The following AGBL4 variants were observed in gnomAD, a reference collection of about 807,000 sequenced individuals.
AGBL4 encodes cytosolic carboxypeptidase 6.
Under a neutral mutation model 66.4 loss-of-function variants are expected in AGBL4, and 58 were observed. That is an observed-to-expected ratio of 0.87 (90% CI 0.71 to 1.09). AGBL4 has a LOEUF of 1.09. Ranked by LOEUF, AGBL4 falls within the 50% of genes least tolerant of loss-of-function variation. The pLI is 0.00. For missense variants in AGBL4, 579 were observed against 631.0 expected (o/e 0.92, Z 0.88); for synonymous variants, 234 against 222.9 (o/e 1.05, Z -0.44).
intron 2 of AGBL4, among the ~76,000 whole-genome samples, chr1:49,718,765 C>G (rs1648361825): frequency 6.6e-6 from 1 of 151,814 alleles, no homozygotes; most frequent in Non-Finnish European, 1.5e-5. Flanking sequence ...TCTGTATTTT[C>G]TTCTTTATTC....
intron 1 of AGBL4, among the ~76,000 whole-genome samples, chr1:49,976,799 T>C (rs1658593143): frequency 6.6e-6 from 1 of 152,246 alleles, no homozygotes; most frequent in South Asian, 2.1e-4. Flanking sequence ...AGGTCCACTA[T>C]TCTCCATCCC....
intron 2 of AGBL4, among the ~76,000 whole-genome samples, chr1:49,732,964 G>T (rs1332494814): frequency 6.6e-6 from 1 of 152,022 alleles, no homozygotes; most frequent in Admixed American, 6.6e-5. Context: ...GACACATCAT[G>T]AGCCCAACTG....
At chr1:48,788,483 T>C (rs1570675243) in intron 6 of AGBL4, among the ~76,000 whole-genome samples, 3 of 152,210 alleles carry the variant, frequency 2.0e-5, no homozygotes, top group Admixed American at 2.0e-4. Flanking sequence ...CTTTTATAAA[T>C]TGTAGGACTT....
At chr1:49,711,233 T>C (rs1174886295) in intron 2 of AGBL4, among the ~76,000 whole-genome samples, 2 of 152,098 alleles carry the variant, frequency 1.3e-5, no homozygotes, top group Admixed American at 6.6e-5. Flanking sequence ...ACCTAGCTGG[T>C]CATAGATATC....
intron 3 of AGBL4, among the ~76,000 whole-genome samples, chr1:49,608,127 G>T (rs752593657): frequency 8.6e-5 from 13 of 152,038 alleles, no homozygotes; most frequent in Non-Finnish European, 1.5e-4. Context: ...TATTGATGTA[G>T]GTTCTTAAAA....
chr1:48,915,548 G>A (rs958807601), intron 5 of AGBL4, among the ~76,000 whole-genome samples: 12 of 152,304 alleles, frequency 7.9e-5, no homozygotes, highest in African/African-American at 2.9e-4. Flanking sequence ...GTGGCATAAT[G>A]CTTGGCACTT....
At position 49,726,725 on chromosome 1, in the gene AGBL4, A is replaced by G. The variant is rs564271124; in HGVS notation, c.158-29288T>C. Among the ~76,000 whole-genome samples the G allele has an allele frequency of 4.6e-5, 7 of 152,282 alleles. No homozygotes were observed. In the South Asian group the frequency reaches 1.4e-3, roughly 32 times the overall value. ...AACTACAGGAACCAGCACAACTCTA[A>G]GGACCTTGGGGATGGCACAGATAAT... On this transcript the variant is annotated intron_variant, in intron 2 of 13. Coordinates refer to ENST00000371839, the MANE Select transcript of AGBL4 (RefSeq NM_032785.4).
chr1:49,104,075 C>T lies in AGBL4; in HGVS notation c.378-58275G>A, dbSNP rs192688510. On this transcript the variant is annotated intron_variant, in intron 4 of 13. Coordinates refer to ENST00000371839, the MANE Select transcript of AGBL4 (RefSeq NM_032785.4). ...TGCTATGCACTAGCACACCTCCAAACCATGGCTCATCCTGATCTCGCCAAC... is the reference window on the plus strand; with the variant it reads ...TGCTATGCACTAGCACACCTCCAAATCATGGCTCATCCTGATCTCGCCAAC... 1.2e-4 allele frequency among the ~76,000 whole-genome samples: 18 copies of T among 152,286 alleles called. No homozygotes were observed. The South Asian group carries it at 2.3e-3, about 19-fold the overall frequency.
At chr1:49,656,076 G>A (rs992491558) in intron 3 of AGBL4, among the ~76,000 whole-genome samples, 1 of 152,038 alleles carries the variant, frequency 6.6e-6, no homozygotes, top group African/African-American at 2.4e-5. Flanking sequence ...GAACCTGGGA[G>A]GCGGAGGTTG....
chr1:49,404,697 G>A (rs1006013526), intron 3 of AGBL4, among the ~76,000 whole-genome samples: 1 of 152,040 alleles, frequency 6.6e-6, no homozygotes, highest in Non-Finnish European at 1.5e-5. Flanking sequence ...AATTCTTTAT[G>A]TCATGGTTTA....
intron 11 of AGBL4, among the ~76,000 whole-genome samples, chr1:48,542,621 T>C (rs1334012089): frequency 6.6e-6 from 1 of 152,248 alleles, no homozygotes; most frequent in Non-Finnish European, 1.5e-5. Flanking sequence ...CATATGTTTG[T>C]CAGCTGCATA....
chr1:49,013,650 T>C (rs545351109), intron 5 of AGBL4, among the ~76,000 whole-genome samples: 2 of 152,264 alleles, frequency 1.3e-5, no homozygotes, highest in East Asian at 1.9e-4. Flanking sequence ...TATTTGCTGC[T>C]CCCCAATTCC....
intron 2 of AGBL4, among the ~76,000 whole-genome samples, chr1:49,725,745 C>T (rs373799563): frequency 5.3e-5 from 7 of 131,692 alleles, no homozygotes; most frequent in Admixed American, 1.8e-4. Context: ...AGTGCAGAGG[C>T]GCGATCTTGG....
intron 11 of AGBL4, among the ~76,000 whole-genome samples, chr1:48,555,827 G>A (rs1644313604): frequency 6.6e-6 from 1 of 152,124 alleles, no homozygotes; most frequent in Non-Finnish European, 1.5e-5. Flanking sequence ...AGAAATATTT[G>A]TCTAGTAAGA....
intron 2 of AGBL4, among the ~76,000 whole-genome samples, chr1:49,720,176 G>GCAAAATC (rs562591846): frequency 6.6e-6 from 1 of 151,456 alleles, no homozygotes; most frequent in South Asian, 2.1e-4. Flanking sequence ...ATATAAAAAT[G>GCAAAATC]CAAAATCCAA....
At chr1:48,806,318 G>A (rs1274092268) in intron 6 of AGBL4, among the ~76,000 whole-genome samples, 1 of 152,136 alleles carries the variant, frequency 6.6e-6, no homozygotes, top group Admixed American at 6.5e-5. Flanking sequence ...TGGTGTTCGA[G>A]GCCCAACTAC....
chr1:49,860,874 T>C (rs886066011), intron 1 of AGBL4, among the ~76,000 whole-genome samples: 12 of 152,078 alleles, frequency 7.9e-5, no homozygotes, highest in African/African-American at 1.7e-4. Context: ...TACCTGGTTT[T>C]AACTTCATAT....
At chr1:49,934,797 A>G (rs1393570503) in intron 1 of AGBL4, among the ~76,000 whole-genome samples, 1 of 151,638 alleles carries the variant, frequency 6.6e-6, no homozygotes, top group Non-Finnish European at 1.5e-5. Flanking sequence ...AGTAAATAAT[A>G]AAATATCTGA....
intron 4 of AGBL4, among the ~76,000 whole-genome samples, chr1:49,056,955 A>C (rs1376827703): frequency 6.6e-6 from 1 of 152,166 alleles, no homozygotes; most frequent in Non-Finnish European, 1.5e-5. Flanking sequence ...AAAGACTTTA[A>C]ATTTATCTGT....
Sources: allele counts gnomAD v4.1 joint callset (sites outside exome capture counted in the v4.1 genomes callset), GRCh38; gene constraint gnomAD v4.1.1; transcripts MANE v1.5; gene names NCBI Gene and HGNC (gene_info 2026-07-23, HGNC 2026-07-21).